STXBP5L: variants seen among roughly 807,000 people sequenced by gnomAD.
STXBP5L encodes the protein syntaxin binding protein 5L.
Under a neutral mutation model 144.5 loss-of-function variants are expected in STXBP5L, and 65 were observed. The ratio of observed to expected loss-of-function variants is 0.45; its 90% CI spans 0.37 to 0.55. STXBP5L has a LOEUF of 0.55. STXBP5L is among the 20% of genes least tolerant of loss of function. The pLI is 0.00. For synonymous variants in STXBP5L, 505 were observed against 469.6 expected (o/e 1.08, Z -0.97); for missense variants, 1,298 against 1,405.5 (o/e 0.92, Z 1.22).
intron 10 of STXBP5L, among the ~76,000 whole-genome samples, chr3:121,216,757 G>C (rs2048790744): frequency 6.6e-6 from 1 of 152,212 alleles, no homozygotes; most frequent in African/African-American, 2.4e-5. Flanking sequence ...AGGCAGGAAT[G>C]TTTAAGTCGG....
At chr3:121,146,722 C>G (rs1243273687) in intron 7 of STXBP5L, among the ~76,000 whole-genome samples, 1 of 151,836 alleles carries the variant, frequency 6.6e-6, no homozygotes, top group African/African-American at 2.4e-5. Flanking sequence ...GACTTTAAGG[C>G]AAAAACTTTT....
chr3:121,184,321 AAGTT>A (rs1179167773), intron 9 of STXBP5L, among the ~76,000 whole-genome samples: 4 of 89,120 alleles, frequency 4.5e-5, no homozygotes, highest in African/African-American at 1.6e-4. Context: ...ACCTTGAAAA[AAGTT>A]AGAGAAATTG....
intron 3 of STXBP5L, among the ~76,000 whole-genome samples, chr3:120,989,195 C>T (rs533239829): frequency 1.3e-5 from 2 of 152,166 alleles, no homozygotes; most frequent in African/African-American, 2.4e-5. Context: ...AGTGGGATTG[C>T]TGAGTCAACT....
At chr3:121,030,181 T>C (rs1043509933) in intron 3 of STXBP5L, among the ~76,000 whole-genome samples, 2 of 152,178 alleles carry the variant, frequency 1.3e-5, no homozygotes, top group African/African-American at 4.8e-5. Context: ...TTACTGGGTG[T>C]ATACCCAAAG....
chr3:121,068,809 T>C (rs1187528351), intron 5 of STXBP5L, among the ~76,000 whole-genome samples: 1 of 152,182 alleles, frequency 6.6e-6, no homozygotes, highest in Non-Finnish European at 1.5e-5. Flanking sequence ...ATTCTTTTTC[T>C]TTTGCCTGAA....
chr3:120,977,652 C>G (rs1212686836), intron 3 of STXBP5L, among the ~76,000 whole-genome samples: 1 of 152,146 alleles, frequency 6.6e-6, no homozygotes, highest in Non-Finnish European at 1.5e-5. Flanking sequence ...ATGGTCTTTA[C>G]AATTTGGCAT....
chr3:121,362,224 T>C (rs1274698589), intron 20 of STXBP5L, among the ~76,000 whole-genome samples: 1 of 152,238 alleles, frequency 6.6e-6, no homozygotes, highest in Non-Finnish European at 1.5e-5. Context: ...ATTATTGTGA[T>C]GAGTCAGACC....
At chr3:120,913,315 C>T (rs1708943636) in intron 2 of STXBP5L, among the ~76,000 whole-genome samples, 1 of 151,902 alleles carries the variant, frequency 6.6e-6, no homozygotes, top group African/African-American at 2.4e-5. Flanking sequence ...TTTCCAGCAC[C>T]TCCCCATTCT....
At chr3:121,085,993 T>TA (rs1228705849) in intron 5 of STXBP5L, among the ~76,000 whole-genome samples, 1 of 151,952 alleles carries the variant, frequency 6.6e-6, no homozygotes, top group Admixed American at 6.6e-5. Flanking sequence ...TAGAACAGAA[T>TA]AAAGATCTCA....
At chr3:121,011,971 A>G (rs1337685206) in intron 3 of STXBP5L, among the ~76,000 whole-genome samples, 2 of 151,660 alleles carry the variant, frequency 1.3e-5, no homozygotes, top group South Asian at 2.1e-4. Flanking sequence ...TCTATTTTCT[A>G]TTTCCCCCAA....
chr3:121,314,995 G>C (rs1427882640), intron 19 of STXBP5L, among the ~76,000 whole-genome samples: 2 of 152,150 alleles, frequency 1.3e-5, no homozygotes. Context: ...ACAGGTGCTG[G>C]AGAGGATGTG....
intron 19 of STXBP5L, among the ~76,000 whole-genome samples, chr3:121,280,410 C>T (rs1180359444): frequency 1.3e-5 from 2 of 151,852 alleles, no homozygotes; most frequent in Non-Finnish European, 2.9e-5. Flanking sequence ...TTGTAGCTGA[C>T]TCCTTTCCTT....
At chr3:121,017,130 A>G (rs1945198023) in intron 3 of STXBP5L, among the ~76,000 whole-genome samples, 2 of 152,206 alleles carry the variant, frequency 1.3e-5, no homozygotes, top group Admixed American at 6.5e-5. Context: ...AGGCTCATTT[A>G]GCATTAAAAA....
intron 14 of STXBP5L, among the ~76,000 whole-genome samples, chr3:121,250,003 GATTTTTT>G (rs2108360430): frequency 6.6e-6 from 1 of 152,026 alleles, no homozygotes; most frequent in African/African-American, 2.4e-5. Context: ...TATGGTAGTT[GATTTTTT>G]AAGTGTTTGC....
intron 3 of STXBP5L, among the ~76,000 whole-genome samples, chr3:120,978,058 A>C (rs559030555): frequency 6.6e-6 from 1 of 152,208 alleles, no homozygotes; most frequent in South Asian, 2.1e-4. Flanking sequence ...TCTTTGTGGC[A>C]TTCTCTGTAT....
At chr3:120,911,303 A>C (rs906472662) in intron 2 of STXBP5L, among the ~76,000 whole-genome samples, 3 of 152,150 alleles carry the variant, frequency 2.0e-5, no homozygotes, top group Non-Finnish European at 4.4e-5. Context: ...CCATTTATTC[A>C]GGCAAGAGAT....
intron 3 of STXBP5L, among the ~76,000 whole-genome samples, chr3:120,991,255 G>T (rs1413601756): frequency 6.6e-6 from 1 of 151,756 alleles, no homozygotes; most frequent in South Asian, 2.1e-4. Context: ...GGCCATCAGA[G>T]AAATGCAAAT....
chr3:121,124,674 C>T (rs2044622842), intron 7 of STXBP5L, among the ~76,000 whole-genome samples: 1 of 151,782 alleles, frequency 6.6e-6, no homozygotes, highest in Non-Finnish European at 1.5e-5. Context: ...TAATAGCTGT[C>T]CTTAGATTCT....
chr3:121,370,083 T>A (rs2045985464), intron 20 of STXBP5L, among the ~76,000 whole-genome samples: 1 of 152,104 alleles, frequency 6.6e-6, no homozygotes, highest in African/African-American at 2.4e-5. Flanking sequence ...AAGTGGGTAG[T>A]GGCTAGGCGC....
Sources: gnomAD v4.1 joint callset for allele counts (sites outside exome capture counted in the v4.1 genomes callset) on GRCh38, gnomAD v4.1.1 for gene constraint, MANE v1.5 for transcripts, NCBI Gene and HGNC (gene_info 2026-07-23, HGNC 2026-07-21) for gene names.